Variants in MOB3B observed in about 807,000 individuals in gnomAD.
MOB3B encodes the protein MOB kinase activator-like 2B.
A neutral mutation model predicts 18.7 loss-of-function variants in MOB3B; 7 were observed. The ratio of observed to expected loss-of-function variants is 0.37; its 90% CI spans 0.21 to 0.70. The LOEUF (loss-of-function observed/expected upper bound fraction) is 0.70. Among genes scored for constraint, MOB3B ranks in the 30% least tolerant of loss-of-function variants. The probability of loss-of-function intolerance (pLI) is 0.52; values close to 1 mark genes in which losing one functional copy is unlikely to be tolerated. For synonymous variants in MOB3B, 111 were observed against 99.9 expected, an observed-to-expected ratio of 1.11 and a Z score of -0.66; for missense variants, 253 against 281.3, an observed-to-expected ratio of 0.90 and a Z score of 0.72.
chr9:27,345,384 G>C (rs1326538407), intron 3 of MOB3B, among the ~76,000 whole-genome samples: 2 of 151,964 alleles, frequency 1.3e-5, no homozygotes, highest in East Asian at 3.9e-4. Flanking sequence ...AAAATCTACA[G>C]ATTTTTAAAT....
At chr9:27,359,286 TTTTCCTC>T in intron 2 of MOB3B, 50 bp from the exon 3 acceptor site, 1 of 1,520,848 alleles carries the variant, frequency 6.6e-7, no homozygotes, top group Non-Finnish European at 9.1e-7. Flanking sequence ...GGATAGATCC[TTTTCCTC>T]TTTCCTCTAA....
rs116488828 is a variant in MOB3B at position 27,468,131 on chromosome 9, A to C, written c.-198-12383T>G. 3.1e-3 allele frequency among the ~76,000 whole-genome samples: 475 copies of C among 152,330 alleles called. 4 individuals carry two copies. The highest frequency in any genetic ancestry group is 0.011 in the African/African-American group (454 of 41,576). On this transcript the variant is annotated intron_variant, in intron 1 of 3. Coordinates refer to ENST00000262244, the MANE Select transcript of MOB3B (RefSeq NM_024761.5). ...TCTGCAGAAAGTCTGTCTACACACC[A>C]GAAATGCATAGCCTTCTCAAGAGAT...
chr9:27,343,478 T>TAAAAAAAAAAAAAAAAAAAAAAAAAAA (rs779124158), intron 3 of MOB3B, among the ~76,000 whole-genome samples: 1 of 84,318 alleles, frequency 1.2e-5, no homozygotes, highest in Non-Finnish European at 2.2e-5. Flanking sequence ...CAATAAATAC[T>TAAAAAAAAAAAAAAAAAAAAAAAAAAA]AAAAAAAAAA....
chr9:27,503,969 G>A (rs1208423298), intron 1 of MOB3B, among the ~76,000 whole-genome samples: 3 of 152,270 alleles, frequency 2.0e-5, no homozygotes, highest in Middle Eastern at 3.4e-3. Flanking sequence ...CCTCTGTTCC[G>A]TTCTCCTGCT....
chr9:27,429,705 A>G (rs1822390109), intron 2 of MOB3B, among the ~76,000 whole-genome samples: 1 of 152,132 alleles, frequency 6.6e-6, no homozygotes. Flanking sequence ...ATAGACGGAG[A>G]GCTTGGGCCA....
chr9:27,481,619 A>T (rs189330541), intron 1 of MOB3B, among the ~76,000 whole-genome samples: 1 of 141,642 alleles, frequency 7.1e-6, no homozygotes, highest in African/African-American at 2.7e-5. Context: ...TCCGCCTCCC[A>T]GGTTTATGCC....
chr9:27,487,198 C>T (rs1229073557), intron 1 of MOB3B, among the ~76,000 whole-genome samples: 6 of 147,312 alleles, frequency 4.1e-5, no homozygotes, highest in Non-Finnish European at 5.9e-5. Flanking sequence ...TTCTCCATAA[C>T]GTTTCTATAA....
chr9:27,339,176 A>C (rs1820905621), intron 3 of MOB3B, among the ~76,000 whole-genome samples: 1 of 152,186 alleles, frequency 6.6e-6, no homozygotes, highest in Non-Finnish European at 1.5e-5. Context: ...CCTGCCTGGA[A>C]GCTTGTTTTC....
At chr9:27,480,445 A>T (rs1018092534) in intron 1 of MOB3B, among the ~76,000 whole-genome samples, 1 of 151,984 alleles carries the variant, frequency 6.6e-6, no homozygotes, top group Admixed American at 6.6e-5. Context: ...GACTACAGGC[A>T]CCCGCCACCA....
At chr9:27,478,950 G>C (rs1275663516) in intron 1 of MOB3B, among the ~76,000 whole-genome samples, 3 of 152,002 alleles carry the variant, frequency 2.0e-5, no homozygotes, top group Non-Finnish European at 4.4e-5. Flanking sequence ...AATTAGATTG[G>C]TGGTGGACTT....
intron 1 of MOB3B, among the ~76,000 whole-genome samples, chr9:27,478,117 C>T (rs919465891): frequency 6.6e-6 from 1 of 152,198 alleles, no homozygotes; most frequent in Non-Finnish European, 1.5e-5. Context: ...CACAAATTTA[C>T]ATTGTTTAGG....
chr9:27,404,391 C>CTG (rs1821936020), intron 2 of MOB3B, among the ~76,000 whole-genome samples: 1 of 95,808 alleles, frequency 1.0e-5, no homozygotes. Context: ...GAGTCTCGTT[C>CTG]TGTCACCAGG....
chr9:27,452,795 T>C (rs1699365181), intron 2 of MOB3B, among the ~76,000 whole-genome samples: 1 of 152,232 alleles, frequency 6.6e-6, no homozygotes, highest in South Asian at 2.1e-4. Context: ...GTTTCTCTGA[T>C]ATTTGGAATC....
intron 2 of MOB3B, among the ~76,000 whole-genome samples, chr9:27,415,424 T>TA (rs2131405781): frequency 6.6e-6 from 1 of 152,132 alleles, no homozygotes; most frequent in South Asian, 2.1e-4. Flanking sequence ...TGTACTTTTT[T>TA]TTTTTAGAAC....
intron 3 of MOB3B, among the ~76,000 whole-genome samples, chr9:27,343,284 C>G (rs749513385): frequency 2.0e-5 from 3 of 151,394 alleles, no homozygotes; most frequent in Admixed American, 6.6e-5. Context: ...CAGCATGCTC[C>G]TTAAGAGTCA....
chr9:27,477,053 C>T (rs778451818), intron 1 of MOB3B, among the ~76,000 whole-genome samples: 13 of 152,140 alleles, frequency 8.5e-5, no homozygotes, highest in Non-Finnish European at 1.6e-4. Flanking sequence ...CTCCCGAGCT[C>T]CCAGCAGCTC....
chr9:27,378,987 G>A (rs1455103143), intron 2 of MOB3B, among the ~76,000 whole-genome samples: 1 of 152,190 alleles, frequency 6.6e-6, no homozygotes, highest in Admixed American at 6.5e-5. Context: ...GGGTCAGAAG[G>A]AACCCCTTCC....
chr9:27,370,482 T>C (rs1416522768), intron 2 of MOB3B, among the ~76,000 whole-genome samples: 11 of 136,682 alleles, frequency 8.0e-5, no homozygotes, highest in Non-Finnish European at 1.4e-4. Flanking sequence ...CACTCCAGAC[T>C]GGGCAACAAG....
At chr9:27,344,931 C>T (rs1051159350) in intron 3 of MOB3B, among the ~76,000 whole-genome samples, 6 of 152,224 alleles carry the variant, frequency 3.9e-5, no homozygotes, top group Admixed American at 1.3e-4. Context: ...GGCCTGGCCG[C>T]GACAGGGTCA....
Sources: allele counts gnomAD v4.1 joint callset (sites outside exome capture counted in the v4.1 genomes callset), GRCh38; gene constraint gnomAD v4.1.1; transcripts MANE v1.5; gene names NCBI Gene and HGNC (gene_info 2026-07-23, HGNC 2026-07-21).